Variants in MTIF3 observed in about 807,000 individuals in gnomAD.
MTIF3 encodes the protein translation initiation factor IF-3, mitochondrial.
MTIF3 carries 13 observed loss-of-function variants against 20.7 expected under a neutral mutation model. The ratio of observed to expected loss-of-function variants is 0.63; its 90% CI spans 0.41 to 1.00. The LOEUF is 1.00. MTIF3 is among the 50% of genes least tolerant of loss of function. The pLI is 0.00. For missense variants in MTIF3, 295 were observed against 324.5 expected (o/e 0.91, Z 0.70); for synonymous variants, 114 against 112.5 (o/e 1.01, Z -0.08).
chr13:27,436,745 A>ATT (rs66903644), intron 4 of MTIF3, among the ~76,000 whole-genome samples: 2,590 of 90,162 alleles, frequency 0.029, 207 homozygotes, highest in African/African-American at 0.083. Context: ...ATTTTCTACA[A>ATT]TTTTTTTTTT....
At chr13:27,446,862 T>C (rs2138183354) in intron 1 of MTIF3, among the ~76,000 whole-genome samples, 1 of 152,130 alleles carries the variant, frequency 6.6e-6, no homozygotes, top group East Asian at 1.9e-4. Flanking sequence ...GAGGCTGGCA[T>C]AAAAAAAGTA....
intron 3 of MTIF3, among the ~76,000 whole-genome samples, chr13:27,438,483 G>GTTTTT (rs61052475): frequency 0.13 from 13,251 of 105,942 alleles, 1,634 homozygotes; most frequent in Non-Finnish European, 0.17. Flanking sequence ...GAGCAAGACT[G>GTTTTT]TTTTTTTTTT....
chr13:27,442,709 G>T (rs766610091), intron 2 of MTIF3, among the ~76,000 whole-genome samples: 5 of 152,042 alleles, frequency 3.3e-5, no homozygotes, highest in African/African-American at 1.2e-4. Context: ...TAGCCTCATG[G>T]TTCATTTACC....
chr13:27,443,723 T>TA (rs1444830015), intron 2 of MTIF3, among the ~76,000 whole-genome samples: 1 of 152,092 alleles, frequency 6.6e-6, no homozygotes. Flanking sequence ...TATTAAAATA[T>TA]AAAAAATTTC....
chr13:27,441,893 C>CT (rs1954014358), intron 2 of MTIF3, among the ~76,000 whole-genome samples: 1 of 152,198 alleles, frequency 6.6e-6, no homozygotes, highest in African/African-American at 2.4e-5. Context: ...GTACAACCCA[C>CT]TTATCTCTCA....
At chr13:27,440,509 T>C (rs1593192476) in intron 2 of MTIF3, 60 bp from the exon 3 acceptor site, 3 of 1,329,148 alleles carry the variant, frequency 2.3e-6, no homozygotes, top group East Asian at 2.5e-5. Flanking sequence ...TGGTCTGACA[T>C]TGTGGTACAT....
intron 2 of MTIF3, among the ~76,000 whole-genome samples, chr13:27,441,621 T>A (rs1283410066): frequency 6.6e-6 from 1 of 152,254 alleles, no homozygotes; most frequent in Non-Finnish European, 1.5e-5. Flanking sequence ...ATTTTTTAAT[T>A]GCTTTTCTGT....
At chr13:27,442,285 C>T (rs1462039080) in intron 2 of MTIF3, among the ~76,000 whole-genome samples, 2 of 152,156 alleles carry the variant, frequency 1.3e-5, no homozygotes, top group African/African-American at 4.8e-5. Context: ...CAAAACCTAC[C>T]GTTCAACCAG....
intron 3 of MTIF3, among the ~76,000 whole-genome samples, chr13:27,437,807 A>C (rs1392437371): frequency 6.6e-6 from 1 of 152,194 alleles, no homozygotes; most frequent in African/African-American, 2.4e-5. Context: ...ATAGATGACA[A>C]AAAGTTAGGT....
intron 4 of MTIF3, among the ~76,000 whole-genome samples, chr13:27,436,394 A>G (rs1347306519): frequency 6.6e-6 from 1 of 150,710 alleles, no homozygotes. Context: ...GTGGATGATA[A>G]AGTTATCTAA....
chr13:27,438,465 G>A (rs1352702190), intron 3 of MTIF3, among the ~76,000 whole-genome samples: 2 of 144,322 alleles, frequency 1.4e-5, no homozygotes, highest in Non-Finnish European at 3.0e-5. Context: ...ACTCCAGCCT[G>A]GGCAACAGAG....
chr13:27,444,747 C>G (rs1001752730), intron 2 of MTIF3, among the ~76,000 whole-genome samples: 2 of 152,174 alleles, frequency 1.3e-5, no homozygotes, highest in African/African-American at 2.4e-5. Flanking sequence ...TAGTATGTAT[C>G]TCTAAGAGGT....
At position 27,440,239 on chromosome 13, in the gene MTIF3, CTTT is replaced by C; in HGVS notation, c.207_209del (p.Lys70del). On this transcript the variant is annotated inframe_deletion, in exon 3 of 5. Coordinates refer to ENST00000381120, the MANE Select transcript of MTIF3 (RefSeq NM_152912.5). The stretch of plus-strand genomic sequence containing the variant: ...CAACGTTACTAAAAGCTGTTTTATT[CTTT>C]TTTGTCTTTTTTCCTTCATTCTGGG... The C allele has an allele frequency of 1.2e-6, 2 of 1,614,142 alleles. No homozygotes were observed. The highest frequency in any genetic ancestry group is 1.7e-6 in the Non-Finnish European group (2 of 1,180,004).
intron 2 of MTIF3, chr13:27,440,884 A>G (rs1323907359): frequency 5.7e-6 from 1 of 176,872 alleles, no homozygotes; most frequent in Non-Finnish European, 1.2e-5. Flanking sequence ...TGAAAGCCTT[A>G]TGAATAACAT....
At chr13:27,436,729 T>G (rs560937556) in intron 4 of MTIF3, among the ~76,000 whole-genome samples, 1 of 150,834 alleles carries the variant, frequency 6.6e-6, no homozygotes, top group African/African-American at 2.4e-5. Context: ...TGTCTTTATA[T>G]TTCAGATTTT....
chr13:27,450,263 C>G (rs1447062980), intron 1 of MTIF3: 1 of 152,322 alleles, frequency 6.6e-6, no homozygotes, highest in Non-Finnish European at 1.5e-5. Flanking sequence ...CTCAGTGGGG[C>G]TGGCGGCAAC....
chr13:27,436,385 T>C (rs1953747872), intron 4 of MTIF3, among the ~76,000 whole-genome samples: 1 of 151,716 alleles, frequency 6.6e-6, no homozygotes, highest in Non-Finnish European at 1.5e-5. Flanking sequence ...ATACCCTTAG[T>C]GGATGATAAA....
chr13:27,436,803 G>A (rs1171109355), intron 4 of MTIF3, among the ~76,000 whole-genome samples: 1 of 140,520 alleles, frequency 7.1e-6, no homozygotes, highest in African/African-American at 2.7e-5. Context: ...CCAGGCTGGA[G>A]TGCAGTGGCG....
In MTIF3 at chr13:27,440,081, G is replaced by A. The variant is rs1443900600; in HGVS notation, c.368C>T (p.Thr123Ile). ...DLRLVQRNTS[T>I]EPAEYQLMTG... ...CATGAGCTGATACTCTGCAGGTTCT[G>A]TGCTGGTGTTCCTTTGAACCAGTCG... is the stretch of plus-strand genomic sequence containing the variant. The change falls in exon 3 of 5, where the codon ACA (threonine) becomes ATA (isoleucine). Residue 123 changes from threonine (T) to isoleucine (I), a missense_variant. Thr to Ile is a moderately conservative substitution (Grantham distance 89). Coordinates refer to ENST00000381120, the MANE Select transcript of MTIF3 (RefSeq NM_152912.5). 2 of 1,614,088 alleles carry A rather than the reference G, an allele frequency of 1.2e-6. No individual in the cohort carries two copies. Among genetic ancestry groups the A allele is most frequent in the Non-Finnish European group, 1.7e-6 (2 of 1,180,046 alleles).
Sources: allele counts gnomAD v4.1 joint callset (sites outside exome capture counted in the v4.1 genomes callset), GRCh38; gene constraint gnomAD v4.1.1; transcripts MANE v1.5; gene names NCBI Gene and HGNC (gene_info 2026-07-23, HGNC 2026-07-21).